Variants in EARS2 observed in about 807,000 individuals in gnomAD.
EARS2 encodes glutamyl-tRNA synthetase 2, mitochondrial.
EARS2 carries 50 observed loss-of-function variants against 54.1 expected under a neutral mutation model. The ratio of observed to expected loss-of-function variants is 0.92; its 90% CI spans 0.74 to 1.17. The LOEUF is 1.17. Among genes scored for constraint, EARS2 ranks in the 50% most tolerant of loss-of-function variants. The probability of loss-of-function intolerance (pLI) is 0.00; values close to 1 mark genes in which losing one functional copy is unlikely to be tolerated. For synonymous variants in EARS2, 298 were observed against 281.0 expected, an observed-to-expected ratio of 1.06 and a Z score of -0.61; for missense variants, 673 against 675.0, an observed-to-expected ratio of 1.00 and a Z score of 0.03.
chr16:23,544,554 G>A lies in EARS2; in HGVS notation c.445C>T (p.Leu149Phe). Reference sequence around the variant, plus strand: ...TTCCGCAAGGCCTCCTTCTTCAGGAGCTCCAGCCGCTGGGGTGAGCAGAAA... The same window carrying A: ...TTCCGCAAGGCCTCCTTCTTCAGGAACTCCAGCCGCTGGGGTGAGCAGAAA... ...PCFCSPQRLE[L>F]LKKEALRNHQ... Residue 149 changes from leucine to phenylalanine, a missense_variant, in exon 3 of 9, where the codon CTC (leucine) becomes TTC (phenylalanine). This residue lies in a region of EARS2 where 316 missense variants were observed against 275.2 expected (regional missense o/e 1.15). Transcript: ENST00000449606. 1 of 1,614,146 alleles carries A rather than the reference G, an allele frequency of 6.2e-7. No homozygotes were observed. Among genetic ancestry groups the A allele is most frequent in the Non-Finnish European group, 8.5e-7 (1 of 1,180,010 alleles).
chr16:23,556,978 G>A (rs1397809621), intron 1 of EARS2: 4 of 728,460 alleles, frequency 5.5e-6, no homozygotes, highest in Non-Finnish European at 9.6e-6. Context: ...ATGAAAAAAA[G>A]ATCGAAAGAG....
In EARS2 at chr16:23,524,472, A is replaced by G. The variant is rs199673118; in HGVS notation, c.1489-18T>C. On this transcript the variant is annotated intron_variant, in intron 8 of 8. Coordinates refer to ENST00000449606, the MANE Select transcript of EARS2 (RefSeq NM_001083614.2). ...GGTCCTTGCTAAGAACAAAAAGAGC[A>G]AATATTGCCTTACTACCTTAAACAG... 3.1e-6 allele frequency: 5 copies of G among 1,609,624 alleles called. No individual in the cohort carries two copies. The African/African-American group carries it at 5.3e-5, about 17-fold the overall frequency.
chr16:23,535,557 T>C, intron 3 of EARS2, 197 bp from the exon 4 acceptor site: 1 of 598,916 alleles, frequency 1.7e-6, no homozygotes, highest in Non-Finnish European at 3.0e-6. Context: ...TGTCTGCCTA[T>C]CTACCAGCCA....
At chr16:23,552,831 G>A (rs995436901) in intron 1 of EARS2, among the ~76,000 whole-genome samples, 5 of 152,214 alleles carry the variant, frequency 3.3e-5, no homozygotes, top group Admixed American at 2.0e-4. Flanking sequence ...TTGCCATGGT[G>A]GTCAGGCTGA....
intron 7 of EARS2, 23 bp from the exon 8 acceptor site, chr16:23,525,402 C>T (rs1361188676): frequency 6.2e-7 from 1 of 1,606,072 alleles, no homozygotes; most frequent in African/African-American, 1.3e-5. Context: ...GGCCAGTTTA[C>T]AGGGCCTGCA....
At chr16:23,555,291 G>A (rs757041154) in intron 1 of EARS2, among the ~76,000 whole-genome samples, 1 of 152,052 alleles carries the variant, frequency 6.6e-6, no homozygotes, top group Non-Finnish European at 1.5e-5. Context: ...TTCAAGATCC[G>A]CCCAGGCAAC....
chr16:23,552,999 G>A, intron 1 of EARS2: 1 of 361,680 alleles, frequency 2.8e-6, no homozygotes, highest in Non-Finnish European at 5.5e-6. Flanking sequence ...AGCTGGGCAT[G>A]GTGGTACATG....
At chr16:23,548,331 A>T (rs1226031425) in intron 2 of EARS2, among the ~76,000 whole-genome samples, 3 of 152,182 alleles carry the variant, frequency 2.0e-5, no homozygotes, top group Admixed American at 1.3e-4. Context: ...TCCAGAAGTC[A>T]GCCACCATGA....
chr16:23,529,458 G>A (rs201147154), intron 7 of EARS2, 44 bp downstream of exon 7: 75 of 1,597,422 alleles, frequency 4.7e-5, no homozygotes, highest in East Asian at 6.8e-5. Flanking sequence ...ACAGAGAGAG[G>A]GAAGGAGGGT....
At chr16:23,529,707 A>G in intron 6 of EARS2, 37 bp downstream of exon 6, 1 of 1,607,998 alleles carries the variant, frequency 6.2e-7, no homozygotes, top group East Asian at 2.2e-5. Context: ...GCACCCAGTA[A>G]CCCCTCCCTC....
chr16:23,530,451 T>A (rs1965305886), intron 5 of EARS2, among the ~76,000 whole-genome samples: 1 of 152,182 alleles, frequency 6.6e-6, no homozygotes, highest in Non-Finnish European at 1.5e-5. Context: ...GCTGACCTTT[T>A]ATTTTTATTT....
chr16:23,544,697 G>A lies in EARS2; in HGVS notation c.302C>T (p.Pro101Leu), dbSNP rs766638727. 1.6e-5 allele frequency: 25 copies of A among 1,599,578 alleles called. No individual in the cohort carries two copies. Among genetic ancestry groups the A allele is most frequent in the Admixed American group, 3.5e-5 (2 of 57,568 alleles). The change falls in exon 3 of 9, where the codon CCG (proline) becomes CTG (leucine). Residue 101 changes from proline to leucine, a missense_variant. Transcript: ENST00000449606. ...GCCCCGGCGGGGGCTCTCATCAGGC[G>A]GGATGCCTGGAACACAGGGAATAAT... is the stretch of plus-strand genomic sequence containing the variant. ...IEDMLEWAGI[P>L]PDESPRRGGP... is the part of the protein sequence containing the mutation.
chr16:23,536,136 C>T (rs970608376), intron 3 of EARS2, among the ~76,000 whole-genome samples: 2 of 152,218 alleles, frequency 1.3e-5, no homozygotes, highest in African/African-American at 4.8e-5. Context: ...CCCAGACCTA[C>T]TGAGTCAGAA....
rs1201465393 is a variant in EARS2, at chr16:23,520,996, T to G, written c.*3375A>C. 1.3e-5 allele frequency among the ~76,000 whole-genome samples: 2 copies of G among 152,174 alleles called. No individual in the cohort carries two copies. The highest frequency in any genetic ancestry group is 2.9e-5 in the Non-Finnish European group (2 of 68,026). On this transcript the variant is annotated 3_prime_UTR_variant, in exon 9 of 9. Coordinates refer to ENST00000449606, the MANE Select transcript of EARS2 (RefSeq NM_001083614.2). ...TAGTAGAGATGGGGTTTCACCATGTTGGCCAGGCTGGTCTTGAACTCCCGG... is the reference window on the plus strand; with the variant it reads ...TAGTAGAGATGGGGTTTCACCATGTGGGCCAGGCTGGTCTTGAACTCCCGG...
At chr16:23,545,732 T>C (rs1025267816) in intron 2 of EARS2, among the ~76,000 whole-genome samples, 3 of 152,186 alleles carry the variant, frequency 2.0e-5, no homozygotes, top group South Asian at 2.1e-4. Context: ...GGTGTGATCA[T>C]AGCACACTGC....
At position 23,535,156 on chromosome 16, in the gene EARS2, C is replaced by G. The variant is rs1242854595; in HGVS notation, c.690G>C (p.Leu230=). ...MKSDGFPTYH[L]ACVVDDHHMG... Reference sequence around the variant, plus strand: ...TGTGGTGGTCGTCCACCACGCAGGCCAGGTGGTATGTGGGGAAGCCGTCGC... The same window carrying G: ...TGTGGTGGTCGTCCACCACGCAGGCGAGGTGGTATGTGGGGAAGCCGTCGC... Residue 230 remains leucine (L), a synonymous_variant, in exon 4 of 9, where the codon CTG becomes CTC. Coordinates refer to ENST00000449606, the MANE Select transcript of EARS2 (RefSeq NM_001083614.2). 9.3e-6 allele frequency: 15 copies of G among 1,613,550 alleles called. No homozygotes were observed. The highest frequency in any genetic ancestry group is 1.3e-5 in the Non-Finnish European group (15 of 1,179,920).
At position 23,531,724 on chromosome 16, in the gene EARS2, G is replaced by A. The variant is rs1437787506; in HGVS notation, c.1067+933C>T. ...ATTCTCTGGGCTCATGCAAGTAAAT[G>A]CACTGATACTGTGTCCCCAAACCAG... On this transcript the variant is annotated intron_variant, in intron 5 of 8. Coordinates refer to ENST00000449606, the MANE Select transcript of EARS2 (RefSeq NM_001083614.2). Among the ~76,000 whole-genome samples, 3 of 152,234 alleles carry A rather than the reference G, an allele frequency of 2.0e-5. No homozygotes were observed. The East Asian group carries it at 5.8e-4, about 29-fold the overall frequency.
At position 23,520,885 on chromosome 16, in the gene EARS2, G is replaced by A. The variant is rs1442500812; in HGVS notation, c.*3486C>T. On this transcript the variant is annotated 3_prime_UTR_variant, in exon 9 of 9. Transcript: ENST00000449606. ...CTCACTGCAACCTCCCGTTCTGTGG[G>A]GGTTCAAGTAATTCCTGTGCCTCAG... Among the ~76,000 whole-genome samples the A allele has an allele frequency of 6.6e-6, 1 of 152,052 alleles. No homozygotes were observed. The highest frequency in any genetic ancestry group is 1.9e-4 in the East Asian group (1 of 5,182).
intron 3 of EARS2, among the ~76,000 whole-genome samples, chr16:23,541,347 T>TAAAACAAAAC (rs148264203): frequency 6.6e-6 from 1 of 151,760 alleles, no homozygotes; most frequent in Admixed American, 6.6e-5. Context: ...CAACATAACA[T>TAAAACAAAAC]AAAACAAAAC....
Sources: allele counts gnomAD v4.1 joint callset (sites outside exome capture counted in the v4.1 genomes callset), GRCh38; gene constraint gnomAD v4.1.1; regional missense constraint gnomAD v4.1.1; transcripts MANE v1.5; gene names NCBI Gene and HGNC (gene_info 2026-07-23, HGNC 2026-07-21).